ENTPD4: variants seen among roughly 807,000 people sequenced by gnomAD.
The protein encoded by ENTPD4 is Golgi UDPase.
A neutral mutation model predicts 79.1 loss-of-function variants in ENTPD4; 60 were observed. The observed-to-expected ratio is 0.76, with a 90% CI of 0.62 to 0.94. The LOEUF (loss-of-function observed/expected upper bound fraction) is 0.94, where lower values mean the gene tolerates loss of function less well. Among genes scored for constraint, ENTPD4 ranks in the 40% least tolerant of loss-of-function variants. The probability of loss-of-function intolerance (pLI) is 0.00; values close to 1 mark genes in which losing one functional copy is unlikely to be tolerated. For synonymous variants in ENTPD4, 276 were observed against 292.0 expected (o/e 0.95, Z 0.56); for missense variants, 772 against 775.1 (o/e 1.00, Z 0.05).
chr8:23,448,737 C>T lies in ENTPD4; in HGVS notation c.206+5G>A, dbSNP rs1554490076. On this transcript the variant is annotated splice_donor_5th_base_variant and intron_variant, in intron 3 of 12. Transcript: ENST00000358689. ...GTCTAGAAAGCAAATGTTTTTATCT[C>T]TTACCTTTGAAATTTCTTGTCTCTG... 2 of 1,612,906 alleles carry T rather than the reference C, an allele frequency of 1.2e-6. No individual in the cohort carries two copies. The highest frequency in any genetic ancestry group is 1.7e-6 in the Non-Finnish European group (2 of 1,179,060).
rs376456915 is a variant in ENTPD4, at chr8:23,434,460, C to T, written c.1479G>A (p.Ser493=). ...LHRLKYQCFK[S]AWMFEVFHRG... is the part of the protein sequence containing the mutation. The stretch of plus-strand genomic sequence containing the variant: ...TATGAAACACCTCAAACATCCAGGC[C>T]GATTTGAAGCACTGATACCTACAAA... The change falls in exon 12 of 13, where the codon TCG becomes TCA. Residue 493 remains serine (S), a synonymous_variant. Coordinates refer to ENST00000358689, the MANE Select transcript of ENTPD4 (RefSeq NM_004901.5). The T allele has an allele frequency of 1.5e-5, 24 of 1,613,834 alleles. No individual in the cohort carries two copies. Among genetic ancestry groups the T allele is most frequent in the South Asian group, 3.3e-5 (3 of 91,070 alleles).
intron 6 of ENTPD4, 82 bp downstream of exon 6, chr8:23,443,768 T>C (rs530839099): frequency 3.1e-5 from 24 of 777,214 alleles, no homozygotes; most frequent in Admixed American, 3.0e-4. Context: ...AATAGGAGTA[T>C]AACAAAGGGT....
At chr8:23,453,680 A>G (rs1341477033) in intron 1 of ENTPD4, among the ~76,000 whole-genome samples, 1 of 152,206 alleles carries the variant, frequency 6.6e-6, no homozygotes, top group Admixed American at 6.5e-5. Context: ...TACTGCTGTG[A>G]GACTCTGGAC....
chr8:23,434,677 T>C, intron 11 of ENTPD4, 199 bp from the exon 12 acceptor site: 1 of 1,415,594 alleles, frequency 7.1e-7, no homozygotes, highest in East Asian at 2.5e-5. Context: ...CATGGAGCAG[T>C]TCACCTGTCA....
intron 12 of ENTPD4, 120 bp from the exon 13 acceptor site, chr8:23,433,274 C>T: frequency 1.4e-6 from 1 of 735,352 alleles, no homozygotes; most frequent in Non-Finnish European, 2.3e-6. Context: ...TGCAACCCTA[C>T]CTCTGAAATG....
intron 11 of ENTPD4, among the ~76,000 whole-genome samples, chr8:23,434,939 T>A (rs1164848021): frequency 6.6e-6 from 1 of 152,220 alleles, no homozygotes; most frequent in African/African-American, 2.4e-5. Context: ...TAAGATACAA[T>A]AATTAGTAAG....
chr8:23,434,288 G>T (rs1327942855), intron 12 of ENTPD4, 29 bp downstream of exon 12: 12 of 1,605,470 alleles, frequency 7.5e-6, no homozygotes, highest in African/African-American at 1.3e-5. Flanking sequence ...GCATCTTTTT[G>T]ATTCTCGTTC....
intron 6 of ENTPD4, 149 bp downstream of exon 6, chr8:23,443,701 A>C: frequency 3.6e-6 from 2 of 562,480 alleles, no homozygotes; most frequent in Non-Finnish European, 3.2e-6. Flanking sequence ...TAAGAAACTG[A>C]TTTAGTAATT....
In ENTPD4 at chr8:23,430,572, C is replaced by T; in HGVS notation, c.*2354G>A. The T allele has an allele frequency of 2.0e-6, 2 of 984,096 alleles. No individual in the cohort carries two copies. Among genetic ancestry groups the T allele is most frequent in the Non-Finnish European group, 2.4e-6 (2 of 828,736 alleles). The allele number at this position is 984,096 out of a possible 1,614,324, so 61.0% of individuals were successfully genotyped here. ...TACAGGCCACATATAGTGTCTGCTG[C>T]ATATTCTTCAACGTTTTTTCTTAGG... On this transcript the variant is annotated 3_prime_UTR_variant, in exon 13 of 13. Transcript: ENST00000358689.
chr8:23,441,793 C>A, intron 7 of ENTPD4, 70 bp from the exon 8 acceptor site: 1 of 1,527,432 alleles, frequency 6.5e-7, no homozygotes. Flanking sequence ...GAAGAGTCAC[C>A]TTCTTTTCAT....
rs773166801 is a variant in ENTPD4, at chr8:23,437,113, T to G, written c.1195A>C (p.Ile399Leu). 1.1e-5 allele frequency: 17 copies of G among 1,614,102 alleles called. No individual in the cohort carries two copies. The Admixed American group carries it at 1.8e-4, about 17-fold the overall frequency. ...TGDFDLCRET[I>L]QPFMNKTNET... ...TTTGTTTTATTCATGAAAGGCTGGA[T>G]AGTCTCTCGACACAGGTCAAAGTCT... Residue 399 changes from isoleucine to leucine, a missense_variant, in exon 10 of 13, where the codon ATC becomes CTC. Coordinates refer to ENST00000358689, the MANE Select transcript of ENTPD4 (RefSeq NM_004901.5).
At chr8:23,436,006 T>A (rs983137230) in intron 10 of ENTPD4, among the ~76,000 whole-genome samples, 4 of 152,190 alleles carry the variant, frequency 2.6e-5, no homozygotes, top group African/African-American at 7.2e-5. Context: ...GTGGCTACCA[T>A]CCCGACCTCT....
chr8:23,455,311 C>A (rs1400531035), intron 1 of ENTPD4, among the ~76,000 whole-genome samples: 1 of 152,188 alleles, frequency 6.6e-6, no homozygotes, highest in Non-Finnish European at 1.5e-5. Context: ...AAAGGTACCA[C>A]AGGGAAGGGT....
At position 23,434,497 on chromosome 8, in the gene ENTPD4, A is replaced by T. The variant is rs752178172; in HGVS notation, c.1461-19T>A. The T allele has an allele frequency of 7.4e-6, 12 of 1,612,836 alleles. No individual in the cohort carries two copies. The East Asian group carries it at 2.7e-4, about 36-fold the overall frequency. On this transcript the variant is annotated intron_variant, in intron 11 of 12. Coordinates refer to ENST00000358689, the MANE Select transcript of ENTPD4 (RefSeq NM_004901.5). ...CTGATACCTACAAACGGCAAGCACAAAGGCAAGTCAGACTGACTCACTCTG... is the reference window on the plus strand; with the variant it reads ...CTGATACCTACAAACGGCAAGCACATAGGCAAGTCAGACTGACTCACTCTG...
chr8:23,432,890 T>A lies in ENTPD4; in HGVS notation c.*36A>T. 6.6e-7 allele frequency: 1 copy of A among 1,514,204 alleles called. No individual in the cohort carries two copies. Among genetic ancestry groups the A allele is most frequent in the Non-Finnish European group, 8.9e-7 (1 of 1,126,728 alleles). 93.8% of individuals were successfully genotyped at this position (1,514,204 alleles called of 1,614,324 possible). ...GGAGAAACCCTGAGGCAAAAATGGC[T>A]TTTCCTTTTGAGTCTTCGTGGAGCT... On this transcript the variant is annotated 3_prime_UTR_variant, in exon 13 of 13. Coordinates refer to ENST00000358689, the MANE Select transcript of ENTPD4 (RefSeq NM_004901.5).
At position 23,429,361 on chromosome 8, in the gene ENTPD4, T is replaced by C; in HGVS notation, c.*3565A>G. ...ATAATTCCTAACTGTAAAATATAAT[T>C]TTAGTACAGAACAAACAAATTCTCC... On this transcript the variant is annotated 3_prime_UTR_variant, in exon 13 of 13. Coordinates refer to ENST00000358689, the MANE Select transcript of ENTPD4 (RefSeq NM_004901.5). 1 of 985,256 alleles carries C rather than the reference T, an allele frequency of 1.0e-6. No individual in the cohort carries two copies. The highest frequency in any genetic ancestry group is 1.2e-6 in the Non-Finnish European group (1 of 829,736). 61.0% of individuals were successfully genotyped at this position (985,256 alleles called of 1,614,324 possible). A position where few individuals can be genotyped will look rare whatever the true frequency, so the allele number is the denominator to read the frequency against.
chr8:23,435,302 T>C (rs1585400547), intron 11 of ENTPD4, 90 bp downstream of exon 11: 3 of 818,548 alleles, frequency 3.7e-6, no homozygotes, highest in South Asian at 1.5e-5. Flanking sequence ...GAGAAGAAGC[T>C]GGACTGAGGC....
At chr8:23,442,581 G>T (rs796629308) in intron 6 of ENTPD4, among the ~76,000 whole-genome samples, 2 of 152,086 alleles carry the variant, frequency 1.3e-5, no homozygotes, top group South Asian at 4.1e-4. Context: ...TATTCGGGAA[G>T]CTGAGGCAGG....
At chr8:23,447,169 GC>G (rs1800776924) in intron 4 of ENTPD4, among the ~76,000 whole-genome samples, 2 of 152,174 alleles carry the variant, frequency 1.3e-5, no homozygotes, top group African/African-American at 4.8e-5. Flanking sequence ...TGTCACACTG[GC>G]TTAGAAATTA....
Sources: allele counts gnomAD v4.1 joint callset (sites outside exome capture counted in the v4.1 genomes callset), GRCh38; gene constraint gnomAD v4.1.1; transcripts MANE v1.5; gene names NCBI Gene and HGNC (gene_info 2026-07-23, HGNC 2026-07-21).